Variants in ZMAT3 observed in about 807,000 individuals in gnomAD.
The protein encoded by ZMAT3 is zinc finger matrin-type 3.
ZMAT3 carries 17 observed loss-of-function variants against 32.3 expected under a neutral mutation model. The observed-to-expected ratio is 0.53, with a 90% CI of 0.36 to 0.79. The LOEUF is 0.79. ZMAT3 is among the 30% of genes least tolerant of loss of function. The probability of loss-of-function intolerance (pLI) is 0.00; values close to 1 mark genes in which losing one functional copy is unlikely to be tolerated. For missense variants in ZMAT3, 329 were observed against 359.7 expected, an observed-to-expected ratio of 0.91 and a Z score of 0.69; for synonymous variants, 120 against 133.1, an observed-to-expected ratio of 0.90 and a Z score of 0.68.
intron 2 of ZMAT3, among the ~76,000 whole-genome samples, chr3:179,065,715 A>G (rs1299129981): frequency 6.6e-6 from 1 of 152,066 alleles, no homozygotes; most frequent in Non-Finnish European, 1.5e-5. Context: ...GGCTGAATCT[A>G]GCCAACATGG....
chr3:179,032,717 G>C (rs1195768398), intron 2 of ZMAT3, among the ~76,000 whole-genome samples: 1 of 143,938 alleles, frequency 6.9e-6, no homozygotes, highest in East Asian at 2.1e-4. Context: ...GGTGAGGAGC[G>C]TCTCTGACCA....
At chr3:179,035,597 T>C (rs1308077276) in intron 2 of ZMAT3, among the ~76,000 whole-genome samples, 1 of 142,276 alleles carries the variant, frequency 7.0e-6, no homozygotes, top group East Asian at 2.3e-4. Flanking sequence ...AATAATATAG[T>C]TTGTTGACTT....
intron 1 of ZMAT3, among the ~76,000 whole-genome samples, chr3:179,070,356 AAATTCTT>A (rs1385314288): frequency 6.6e-6 from 1 of 152,234 alleles, no homozygotes; most frequent in Non-Finnish European, 1.5e-5. Flanking sequence ...TTTAAAGAAA[AAATTCTT>A]GCCAAACACA....
chr3:179,021,670 G>C lies in ZMAT3; in HGVS notation c.*3347C>G, dbSNP rs979608965. On this transcript the variant is annotated 3_prime_UTR_variant, in exon 6 of 6. Coordinates refer to ENST00000311417, the MANE Select transcript of ZMAT3 (RefSeq NM_022470.4). ...AATCCTAAAGTATGTTACAGAGACA[G>C]ACTGAGCTTCACAAAATGAAACCAA... The C allele has an allele frequency of 3.3e-5, 5 of 152,172 alleles. No homozygotes were observed. The highest frequency in any genetic ancestry group is 1.2e-4 in the African/African-American group (5 of 41,448). The allele number at this position is 152,172 out of a possible 1,614,324, so 9.4% of individuals were successfully genotyped here.
At chr3:179,032,726 C>G (rs1022455614) in intron 2 of ZMAT3, among the ~76,000 whole-genome samples, 2 of 149,018 alleles carry the variant, frequency 1.3e-5, no homozygotes, top group African/African-American at 5.0e-5. Context: ...CGTCTCTGAC[C>G]AGCCACCCTG....
In ZMAT3 at chr3:179,027,819, T is replaced by C. The variant is rs1456434946; in HGVS notation, c.391-7A>G. ...CTGGCTTAAAGGAGCCCATCTGACA[T>C]CAAAGACACAAGAAGAAACAAAGTT... On this transcript the variant is annotated splice_polypyrimidine_tract_variant and splice_region_variant and intron_variant, in intron 3 of 5. Coordinates refer to ENST00000311417, the MANE Select transcript of ZMAT3 (RefSeq NM_022470.4). 1.3e-6 allele frequency: 2 copies of C among 1,594,602 alleles called. No homozygotes were observed. The highest frequency in any genetic ancestry group is 1.7e-6 in the Non-Finnish European group (2 of 1,173,742).
chr3:179,022,311 A>G lies in ZMAT3; in HGVS notation c.*2706T>C, dbSNP rs1268215767. 6.6e-6 allele frequency: 1 copy of G among 152,196 alleles called. No individual in the cohort carries two copies. Among genetic ancestry groups the G allele is most frequent in the Admixed American group, 6.5e-5 (1 of 15,278 alleles). The allele number at this position is 152,196 out of a possible 1,614,324, so 9.4% of individuals were successfully genotyped here. On this transcript the variant is annotated 3_prime_UTR_variant, in exon 6 of 6. Coordinates refer to ENST00000311417, the MANE Select transcript of ZMAT3 (RefSeq NM_022470.4). ...CTTCTTATAAAACTATTTCCAATGG[A>G]AAACAAAGTGGATGAATGACATTTT...
intron 2 of ZMAT3, among the ~76,000 whole-genome samples, chr3:179,050,017 A>G (rs1576863019): frequency 6.9e-6 from 1 of 144,088 alleles, no homozygotes; most frequent in Middle Eastern, 3.5e-3. Flanking sequence ...AAAAAAAAAA[A>G]GCCAAGCCTA....
intron 2 of ZMAT3, among the ~76,000 whole-genome samples, chr3:179,040,204 A>G (rs896818947): frequency 4.6e-5 from 7 of 152,240 alleles, no homozygotes; most frequent in Non-Finnish European, 1.0e-4. Context: ...AAGGCAGGCC[A>G]ACATTCAAAT....
Position 179,024,689 on chromosome 3 carries a change from T to A in ZMAT3, c.*328A>T, listed in dbSNP as rs112587440. ...AAATGAAACTTTTAAATAGTCAAAG[T>A]TCTAAGCCGTCAGGCTACTAGTTGA... is the stretch of plus-strand genomic sequence containing the variant. On this transcript the variant is annotated 3_prime_UTR_variant, in exon 6 of 6. Coordinates refer to ENST00000311417, the MANE Select transcript of ZMAT3 (RefSeq NM_022470.4). The A allele has an allele frequency of 1.7e-5, 4 of 234,956 alleles. No individual in the cohort carries two copies. The highest frequency in any genetic ancestry group is 2.6e-5 in the Non-Finnish European group (3 of 117,486). The allele number at this position is 234,956 out of a possible 1,614,324, so 14.6% of individuals were successfully genotyped here.
rs1164117227 is a variant in ZMAT3 at position 179,071,185 on chromosome 3, T to G, written c.-58+410A>C. 2.0e-5 allele frequency: 3 copies of G among 152,266 alleles called. No individual in the cohort carries two copies. In the East Asian group the frequency reaches 5.8e-4, roughly 29 times the overall value. The allele number at this position is 152,266 out of a possible 1,614,324, so 9.4% of individuals were successfully genotyped here. A position where few individuals can be genotyped will look rare whatever the true frequency, so the allele number is the denominator to read the frequency against. ...AGAGGCCTTGGTGAATTGGCGAATGTTTTTCAGTCTCCGCTGTGACGGTTC... is the reference window on the plus strand; with the variant it reads ...AGAGGCCTTGGTGAATTGGCGAATGGTTTTCAGTCTCCGCTGTGACGGTTC... On this transcript the variant is annotated intron_variant, in intron 1 of 5. Transcript: ENST00000311417.
chr3:179,047,788 G>A (rs1372234447), intron 2 of ZMAT3, among the ~76,000 whole-genome samples: 2 of 151,972 alleles, frequency 1.3e-5, no homozygotes, highest in Admixed American at 6.6e-5. Context: ...CAGTCCGGGA[G>A]GCAAAGGTTG....
chr3:179,065,381 G>C (rs1721356133), intron 2 of ZMAT3, among the ~76,000 whole-genome samples: 1 of 151,930 alleles, frequency 6.6e-6, no homozygotes, highest in African/African-American at 2.4e-5. Context: ...CAACTACATA[G>C]TTTAGAACAT....
At chr3:179,047,452 T>C (rs1720302169) in intron 2 of ZMAT3, among the ~76,000 whole-genome samples, 1 of 152,184 alleles carries the variant, frequency 6.6e-6, no homozygotes, top group African/African-American at 2.4e-5. Flanking sequence ...CAAGGTTCTT[T>C]AACACCCCCA....
chr3:179,067,334 G>A (rs1721467025), intron 2 of ZMAT3, 149 bp downstream of exon 2: 1 of 840,002 alleles, frequency 1.2e-6, no homozygotes, highest in Non-Finnish European at 1.9e-6. Flanking sequence ...AAAAACATAA[G>A]GCTTTTAATC....
At chr3:179,047,872 G>A (rs1325814404) in intron 2 of ZMAT3, among the ~76,000 whole-genome samples, 3 of 151,584 alleles carry the variant, frequency 2.0e-5, no homozygotes, top group African/African-American at 4.8e-5. Flanking sequence ...AAAAAAAGGA[G>A]GCACCAGAGA....
chr3:179,043,829 C>G (rs939075338), intron 2 of ZMAT3, among the ~76,000 whole-genome samples: 1 of 152,100 alleles, frequency 6.6e-6, no homozygotes, highest in African/African-American at 2.4e-5. Context: ...CCCCATCTGA[C>G]AAAGGGCTAA....
chr3:179,027,860 T>C, intron 3 of ZMAT3, 48 bp from the exon 4 acceptor site: 1 of 1,552,688 alleles, frequency 6.4e-7, no homozygotes, highest in Non-Finnish European at 8.7e-7. Flanking sequence ...AAATACAGAG[T>C]TTCCTCCTTC....
chr3:179,043,888 C>T (rs1720085544), intron 2 of ZMAT3, among the ~76,000 whole-genome samples: 1 of 152,144 alleles, frequency 6.6e-6, no homozygotes, highest in African/African-American at 2.4e-5. Context: ...AAACAAAGAA[C>T]CCCATCAAAA....
Sources: allele counts gnomAD v4.1 joint callset (sites outside exome capture counted in the v4.1 genomes callset), GRCh38; gene constraint gnomAD v4.1.1; transcripts MANE v1.5; gene names NCBI Gene and HGNC (gene_info 2026-07-23, HGNC 2026-07-21).